Variants in TRIM3 observed in about 807,000 individuals in gnomAD.
TRIM3 encodes the protein tripartite motif-containing protein 3.
A neutral mutation model predicts 66.6 loss-of-function variants in TRIM3; 13 were observed. The ratio of observed to expected loss-of-function variants is 0.20; its 90% CI spans 0.13 to 0.31. The LOEUF (loss-of-function observed/expected upper bound fraction) is 0.31, where lower values mean the gene tolerates loss of function less well. TRIM3 is among the 10% of genes least tolerant of loss of function. TRIM3 has a pLI of 1.00. For missense variants in TRIM3, 711 were observed against 1,020.4 expected, an observed-to-expected ratio of 0.70 and a Z score of 4.13; for synonymous variants, 406 against 411.7, an observed-to-expected ratio of 0.99 and a Z score of 0.17.
In TRIM3 at chr11:6,456,358, C is replaced by T; in HGVS notation, c.1368G>A (p.Met456Ile). 4 of 1,539,180 alleles carry T rather than the reference C, an allele frequency of 2.6e-6. No homozygotes were observed. In the South Asian group the frequency reaches 5.0e-5, roughly 19 times the overall value. Residue 456 changes from methionine to isoleucine, a missense_variant, in exon 6 of 12, where the codon ATG becomes ATA. Transcript: ENST00000345851. The surrounding 1 kb of genome is among the most constrained non-coding windows in gnomAD (Gnocchi z 6.4). ...RQKAVRRPSS[M>I]YSTGGKRKDN... is the part of the protein sequence containing the mutation. ...CCTTTCGTTTGCCGCCTGTGCTGTA[C>T]ATGGAGCTGGGCCTACGCACTGCCT...
In TRIM3 at chr11:6,457,337, G is replaced by C. The variant is rs1198654004; in HGVS notation, c.655C>G (p.Leu219Val). ...CAAATGGTCTCCAGGTCGCTGACCA[G>C]AGCCTGCTTGCGCTGCTGCAGTGCT... Reference protein sequence around the residue: ...EQALQQRKQALVSDLETICGA... With the variant: ...EQALQQRKQAVVSDLETICGA... The change falls in exon 5 of 12, where the codon CTG becomes GTG. Residue 219 changes from leucine (L) to valine (V), a missense_variant. By Grantham distance (32) the Leu-to-Val change is conservative. Coordinates refer to ENST00000345851, the MANE Select transcript of TRIM3 (RefSeq NM_033278.4). The surrounding 1 kb of genome is among the most constrained non-coding windows in gnomAD (Gnocchi z 4.5). 1.2e-6 allele frequency: 2 copies of C among 1,614,072 alleles called. No homozygotes were observed. The highest frequency in any genetic ancestry group is 1.3e-5 in the African/African-American group (1 of 74,940).
chr11:6,470,498 G>A (rs1381980479), intron 1 of TRIM3, among the ~76,000 whole-genome samples: 3 of 152,120 alleles, frequency 2.0e-5, no homozygotes. Context: ...CAAACTCCTG[G>A]GCTCAACTAA....
chr11:6,457,289 G>A lies in TRIM3; in HGVS notation c.696+7C>T. ...CGATGGTAGGAAAGGGTGAACACAA[G>A]ACACACCTTCTGTTTGGCCCCACAA... On this transcript the variant is annotated splice_region_variant and intron_variant, in intron 5 of 11. Coordinates refer to ENST00000345851, the MANE Select transcript of TRIM3 (RefSeq NM_033278.4). This position sits in a 1 kb window ranked among gnomAD's most constrained non-coding sequence, Gnocchi z 4.5. 1 of 1,613,906 alleles carries A rather than the reference G, an allele frequency of 6.2e-7. No homozygotes were observed. The highest frequency in any genetic ancestry group is 8.5e-7 in the Non-Finnish European group (1 of 1,179,930).
Position 6,449,248 on chromosome 11 carries a change from G to A in TRIM3, c.2082+58C>T, listed in dbSNP as rs530429606. 2.5e-5 allele frequency: 41 copies of A among 1,608,594 alleles called. No homozygotes were observed. The highest frequency in any genetic ancestry group is 1.3e-4 in the African/African-American group (10 of 74,914). On this transcript the variant is annotated intron_variant, in intron 11 of 11. Coordinates refer to ENST00000345851, the MANE Select transcript of TRIM3 (RefSeq NM_033278.4). This position sits in a 1 kb window ranked among gnomAD's most constrained non-coding sequence, Gnocchi z 5.3. ...AGATGAGAGTCTGTTTTGGGGGAAC[G>A]GGCATATGGGACACACCAGGAAACC...
At position 6,450,587 on chromosome 11, in the gene TRIM3, T is replaced by C. The variant is rs2134155086; in HGVS notation, c.1905A>G (p.Glu635=). ...GGTTATGGAAGTCCGTTACTACAAT[T>C]TCATTCTTGTTGTTCACAGCCACAA... ...PHFVAVNNKN[E]IVVTDFHNHS... The change falls in exon 10 of 12, where the codon GAA becomes GAG. Residue 635 remains glutamate, a synonymous_variant. Coordinates refer to ENST00000345851, the MANE Select transcript of TRIM3 (RefSeq NM_033278.4). This position sits in a 1 kb window ranked among gnomAD's most constrained non-coding sequence, Gnocchi z 4.8. 1 of 1,614,180 alleles carries C rather than the reference T, an allele frequency of 6.2e-7. No individual in the cohort carries two copies. Among genetic ancestry groups the C allele is most frequent in the African/African-American group, 1.3e-5 (1 of 75,044 alleles).
rs771375853 is a variant in TRIM3, at chr11:6,457,060, C to A, written c.697-31G>T. The A allele has an allele frequency of 6.4e-7, 1 of 1,564,466 alleles. No individual in the cohort carries two copies. The stretch of plus-strand genomic sequence containing the variant: ...GAGGGGTAGGGGAGGAGTGGGTGAG[C>A]AGACTGGCACAGGGGGAGTCTCTGT... On this transcript the variant is annotated intron_variant, in intron 5 of 11. Coordinates refer to ENST00000345851, the MANE Select transcript of TRIM3 (RefSeq NM_033278.4). This position sits in a 1 kb window ranked among gnomAD's most constrained non-coding sequence, Gnocchi z 4.5.
chr11:6,454,599 C>T (rs1849888149), intron 7 of TRIM3, among the ~76,000 whole-genome samples: 1 of 152,106 alleles, frequency 6.6e-6, no homozygotes, highest in Non-Finnish European at 1.5e-5. Context: ...GAACTGAGCA[C>T]CACCTCATTA....
At chr11:6,471,701 T>C (rs1850691431) in intron 1 of TRIM3, among the ~76,000 whole-genome samples, 1 of 152,224 alleles carries the variant, frequency 6.6e-6, no homozygotes, top group Non-Finnish European at 1.5e-5. Context: ...ATTGACATGT[T>C]CAAATTGCTA....
At position 6,449,273 on chromosome 11, in the gene TRIM3, C is replaced by T. The variant is rs1434073588; in HGVS notation, c.2082+33G>A. 12 of 1,610,206 alleles carry T rather than the reference C, an allele frequency of 7.5e-6. No homozygotes were observed. The South Asian group carries it at 8.8e-5, about 12-fold the overall frequency. ...GGGCATATGGGACACACCAGGAAAC[C>T]GCCCCCTCATGTCATTCCCAGGCCT... is the stretch of plus-strand genomic sequence containing the variant. On this transcript the variant is annotated intron_variant, in intron 11 of 11. Transcript: ENST00000345851. This position sits in a 1 kb window ranked among gnomAD's most constrained non-coding sequence, Gnocchi z 5.3.
Position 6,450,688 on chromosome 11 carries a change from G to A in TRIM3, c.1871-67C>T. ...CTGAGTGGGATGGGGAAGAGTATCT[G>A]GGAAGATAAAAGCTAGGGTGTTAGG... is the stretch of plus-strand genomic sequence containing the variant. On this transcript the variant is annotated intron_variant, in intron 9 of 11. Coordinates refer to ENST00000345851, the MANE Select transcript of TRIM3 (RefSeq NM_033278.4). This position sits in a 1 kb window ranked among gnomAD's most constrained non-coding sequence, Gnocchi z 4.8. The A allele has an allele frequency of 1.3e-6, 2 of 1,526,794 alleles. No individual in the cohort carries two copies. Among genetic ancestry groups the A allele is most frequent in the Non-Finnish European group, 1.8e-6 (2 of 1,101,518 alleles). 94.6% of individuals were successfully genotyped at this position (1,526,794 alleles called of 1,614,324 possible).
chr11:6,455,985 A>T (rs1849949011), intron 7 of TRIM3, 87 bp downstream of exon 7: 1 of 1,292,178 alleles, frequency 7.7e-7, no homozygotes, highest in African/African-American at 1.5e-5. Context: ...ATCTTCCAGG[A>T]GGTGACCTGT....
rs745571148 is a variant in TRIM3 at position 6,450,473 on chromosome 11, G to A, written c.1941+78C>T. 8.1e-7 allele frequency: 1 copy of A among 1,230,108 alleles called. No homozygotes were observed. The highest frequency in any genetic ancestry group is 1.2e-6 in the Non-Finnish European group (1 of 830,940). 76.2% of individuals were successfully genotyped at this position (1,230,108 alleles called of 1,614,324 possible). The stretch of plus-strand genomic sequence containing the variant: ...GAATGATCTCAAAGGGGAAAAGGAG[G>A]AGGTAAAATAGAGAGGAGTCTTGTG... On this transcript the variant is annotated intron_variant, in intron 10 of 11. Transcript: ENST00000345851. The surrounding 1 kb of genome is among the most constrained non-coding windows in gnomAD (Gnocchi z 4.8).
intron 1 of TRIM3, 91 bp from the exon 2 acceptor site, chr11:6,465,823 C>A: frequency 1.7e-6 from 2 of 1,152,210 alleles, no homozygotes; most frequent in Non-Finnish European, 2.5e-6. Context: ...AGAACTTGCC[C>A]CCACCTCTTC....
chr11:6,471,978 A>T (rs1452685501), intron 1 of TRIM3, among the ~76,000 whole-genome samples: 1 of 152,118 alleles, frequency 6.6e-6, no homozygotes, highest in Non-Finnish European at 1.5e-5. Flanking sequence ...AAAATAAATA[A>T]ATCTAAATAA....
intron 1 of TRIM3, among the ~76,000 whole-genome samples, chr11:6,470,698 G>C (rs1308500164): frequency 6.6e-6 from 1 of 152,214 alleles, no homozygotes; most frequent in Admixed American, 6.5e-5. Context: ...CATGAATGTG[G>C]ATGTTGGTGC....
chr11:6,469,798 T>C, intron 1 of TRIM3, among the ~76,000 whole-genome samples: 1 of 152,212 alleles, frequency 6.6e-6, no homozygotes, highest in Non-Finnish European at 1.5e-5. Flanking sequence ...AAAGGTTACC[T>C]AACCTAGATC....
At chr11:6,464,475 C>G (rs1444704550) in intron 2 of TRIM3, among the ~76,000 whole-genome samples, 1 of 152,214 alleles carries the variant, frequency 6.6e-6, no homozygotes, top group Non-Finnish European at 1.5e-5. Flanking sequence ...CATAGCTCAG[C>G]ACTTTATTTG....
Position 6,456,211 on chromosome 11 carries a change from C to T in TRIM3, c.1430-36G>A. 3 of 1,611,200 alleles carry T rather than the reference C, an allele frequency of 1.9e-6. No homozygotes were observed. On this transcript the variant is annotated intron_variant, in intron 6 of 11. Transcript: ENST00000345851. This position sits in a 1 kb window ranked among gnomAD's most constrained non-coding sequence, Gnocchi z 6.4. ...GGACAGGAGGGAAAACAAAATAATT[C>T]ATTCAGAGGTCATCTTGAACCTCCC...
chr11:6,453,888 G>A (rs1313004501), intron 7 of TRIM3, among the ~76,000 whole-genome samples: 1 of 152,206 alleles, frequency 6.6e-6, no homozygotes, highest in Admixed American at 6.5e-5. Flanking sequence ...TCATCAGGGA[G>A]CCCAGCCCAT....
Sources: allele counts gnomAD v4.1 joint callset (sites outside exome capture counted in the v4.1 genomes callset), GRCh38; gene constraint gnomAD v4.1.1; non-coding constraint Gnocchi (gnomAD v3.1); transcripts MANE v1.5; gene names NCBI Gene and HGNC (gene_info 2026-07-23, HGNC 2026-07-21).